Variants in SPAG16 observed in about 807,000 individuals in gnomAD.
SPAG16 encodes sperm-associated antigen 16 protein.
In SPAG16, 86 loss-of-function variants were observed where a neutral mutation model predicts 80.4. The ratio of observed to expected loss-of-function variants is 1.07; its 90% CI spans 0.90 to 1.28. The LOEUF is 1.28. Among genes scored for constraint, SPAG16 ranks in the 50% most tolerant of loss-of-function variants. SPAG16 has a pLI of 0.00. For missense variants in SPAG16, 870 were observed against 765.3 expected, an observed-to-expected ratio of 1.14 and a Z score of -1.61; for synonymous variants, 294 against 265.9, an observed-to-expected ratio of 1.11 and a Z score of -1.03.
intron 13 of SPAG16, among the ~76,000 whole-genome samples, chr2:214,030,324 A>C (rs2048346113): frequency 6.6e-6 from 1 of 152,104 alleles, no homozygotes; most frequent in Admixed American, 6.6e-5. Context: ...TATGGCTAAA[A>C]ACTGTTGCAT....
intron 10 of SPAG16, among the ~76,000 whole-genome samples, chr2:213,832,944 A>G (rs2073759997): frequency 6.6e-6 from 1 of 152,110 alleles, no homozygotes; most frequent in African/African-American, 2.4e-5. Flanking sequence ...CTATCTCTAC[A>G]CTATCTACAA....
At chr2:213,653,574 C>T (rs1338240493) in intron 10 of SPAG16, among the ~76,000 whole-genome samples, 1 of 152,074 alleles carries the variant, frequency 6.6e-6, no homozygotes, top group Non-Finnish European at 1.5e-5. Flanking sequence ...TTAAGCAAAA[C>T]CTTGGTGTTT....
intron 15 of SPAG16, among the ~76,000 whole-genome samples, chr2:214,279,117 T>A (rs1692696626): frequency 6.6e-6 from 1 of 151,714 alleles, no homozygotes; most frequent in South Asian, 2.1e-4. Flanking sequence ...TTTTTTTTTT[T>A]TTTTGAGTCT....
chr2:213,631,587 T>C (rs1225869484), intron 10 of SPAG16, among the ~76,000 whole-genome samples: 4 of 152,200 alleles, frequency 2.6e-5, no homozygotes, highest in Non-Finnish European at 4.4e-5. Flanking sequence ...TCTAGTTTTT[T>C]GAAAGTTTGT....
intron 13 of SPAG16, among the ~76,000 whole-genome samples, chr2:214,043,580 A>T (rs1344795611): frequency 6.6e-6 from 1 of 152,156 alleles, no homozygotes; most frequent in Non-Finnish European, 1.5e-5. Context: ...AATTGATGTA[A>T]TGGAAATGGG....
chr2:213,902,289 T>C (rs2077250200), intron 11 of SPAG16, among the ~76,000 whole-genome samples: 1 of 152,106 alleles, frequency 6.6e-6, no homozygotes, highest in Non-Finnish European at 1.5e-5. Flanking sequence ...AAATACATAG[T>C]ACATTTATGT....
At chr2:213,466,944 G>T (rs1008358607) in intron 9 of SPAG16, among the ~76,000 whole-genome samples, 14 of 152,166 alleles carry the variant, frequency 9.2e-5, no homozygotes, top group Non-Finnish European at 1.5e-4. Context: ...ATAGTGGTAT[G>T]TAGAAAAAGG....
intron 9 of SPAG16, among the ~76,000 whole-genome samples, chr2:213,427,277 A>G (rs924767807): frequency 6.6e-6 from 1 of 152,140 alleles, no homozygotes; most frequent in African/African-American, 2.4e-5. Context: ...TCCAAAACAT[A>G]CTATTTGTTT....
intron 15 of SPAG16, among the ~76,000 whole-genome samples, chr2:214,327,492 A>G (rs1696574791): frequency 6.6e-6 from 1 of 152,260 alleles, no homozygotes; most frequent in South Asian, 2.1e-4. Flanking sequence ...ATTACTATCT[A>G]GCAACAAGCA....
At chr2:213,755,137 A>G (rs1168517829) in intron 10 of SPAG16, among the ~76,000 whole-genome samples, 1 of 152,156 alleles carries the variant, frequency 6.6e-6, no homozygotes, top group Non-Finnish European at 1.5e-5. Context: ...TGGCAAGAAT[A>G]TTTGGTGCAT....
intron 10 of SPAG16, among the ~76,000 whole-genome samples, chr2:213,752,148 A>G (rs750541431): frequency 6.6e-6 from 1 of 152,162 alleles, no homozygotes; most frequent in Non-Finnish European, 1.5e-5. Flanking sequence ...GTATTCCAAC[A>G]ATCATGATTT....
At chr2:213,807,038 C>G (rs577914810) in intron 10 of SPAG16, among the ~76,000 whole-genome samples, 33 of 152,254 alleles carry the variant, frequency 2.2e-4, no homozygotes, top group African/African-American at 7.5e-4. Flanking sequence ...TCCTTACATC[C>G]CACTGACTCT....
intron 12 of SPAG16, among the ~76,000 whole-genome samples, chr2:213,974,114 T>A (rs2045232750): frequency 6.6e-6 from 1 of 152,088 alleles, no homozygotes; most frequent in African/African-American, 2.4e-5. Context: ...CTGAATAGAA[T>A]CCTGTTTTAT....
intron 9 of SPAG16, among the ~76,000 whole-genome samples, chr2:213,441,678 G>A (rs530225771): frequency 1.6e-3 from 240 of 152,276 alleles, no homozygotes; most frequent in Non-Finnish European, 2.7e-3. Context: ...AAGACATTGG[G>A]AAGAAATAAA....
intron 5 of SPAG16, among the ~76,000 whole-genome samples, chr2:213,336,592 C>T (rs2064371970): frequency 6.6e-6 from 1 of 152,202 alleles, no homozygotes; most frequent in Admixed American, 6.5e-5. Context: ...GGAGCAATTC[C>T]CCACAGCGCA....
intron 6 of SPAG16, among the ~76,000 whole-genome samples, chr2:213,344,416 A>G (rs1229479735): frequency 6.6e-6 from 1 of 151,848 alleles, no homozygotes; most frequent in Non-Finnish European, 1.5e-5. Context: ...TTTAGGGTAC[A>G]TGTGCACAGC....
chr2:213,625,585 T>C (rs554789474), intron 10 of SPAG16, among the ~76,000 whole-genome samples: 64 of 152,364 alleles, frequency 4.2e-4, no homozygotes, highest in African/African-American at 1.5e-3. Flanking sequence ...AGTTTTTTTA[T>C]GTCTTATTTA....
chr2:214,357,998 T>A (rs912731745), intron 15 of SPAG16, among the ~76,000 whole-genome samples: 1 of 151,924 alleles, frequency 6.6e-6, no homozygotes, highest in Non-Finnish European at 1.5e-5. Flanking sequence ...AAAAACAAAA[T>A]CCTGTTTCTT....
chr2:213,528,503 G>C (rs1426485684), intron 10 of SPAG16, among the ~76,000 whole-genome samples: 1 of 152,046 alleles, frequency 6.6e-6, no homozygotes, highest in African/African-American at 2.4e-5. Context: ...AATCTTGAAT[G>C]AATGATTTAT....
Sources: gnomAD v4.1 joint callset for allele counts (sites outside exome capture counted in the v4.1 genomes callset) on GRCh38, gnomAD v4.1.1 for gene constraint, MANE v1.5 for transcripts, NCBI Gene and HGNC (gene_info 2026-07-23, HGNC 2026-07-21) for gene names.